The following ZNF532 variants were observed in gnomAD, a reference collection of about 807,000 sequenced individuals.
The protein encoded by ZNF532 is zinc finger protein 532.
Under a neutral mutation model 89.3 loss-of-function variants are expected in ZNF532, and 22 were observed. The ratio of observed to expected loss-of-function variants is 0.25; its 90% CI spans 0.18 to 0.35. The LOEUF is 0.35. Ranked by LOEUF, ZNF532 falls within the 10% of genes least tolerant of loss-of-function variation. The probability of loss-of-function intolerance (pLI) is 1.00; values close to 1 mark genes in which losing one functional copy is unlikely to be tolerated. For missense variants in ZNF532, 1,132 were observed against 1,643.4 expected (o/e 0.69, Z 5.38); for synonymous variants, 606 against 649.6 (o/e 0.93, Z 1.02).
At chr18:58,887,654 T>C (rs758177702) in intron 2 of ZNF532, among the ~76,000 whole-genome samples, 1 of 152,158 alleles carries the variant, frequency 6.6e-6, no homozygotes, top group Non-Finnish European at 1.5e-5. Context: ...ATCTTCCACC[T>C]GGGCTTAACA....
In ZNF532 at chr18:58,917,534, T is replaced by C. The variant is rs906600592; in HGVS notation, c.-17-737T>C. 3.3e-5 allele frequency among the ~76,000 whole-genome samples: 5 copies of C among 152,144 alleles called. No homozygotes were observed. The East Asian group carries it at 7.7e-4, about 23-fold the overall frequency. On this transcript the variant is annotated intron_variant, in intron 2 of 9. Coordinates refer to ENST00000591808, the MANE Select transcript of ZNF532 (RefSeq NM_001375912.1). Reference sequence around the variant, plus strand: ...TCGGGGGAAGAGCCCCTTTTAAAGATCCCTCAAGCACTGCATGTATTCATA... The same window carrying C: ...TCGGGGGAAGAGCCCCTTTTAAAGACCCCTCAAGCACTGCATGTATTCATA...
chr18:58,977,829 C>A (rs2067232171), intron 7 of ZNF532, among the ~76,000 whole-genome samples: 1 of 152,184 alleles, frequency 6.6e-6, no homozygotes, highest in African/African-American at 2.4e-5. Flanking sequence ...GCCTAGGCAA[C>A]AGAATGAGAC....
At chr18:58,909,182 A>G (rs2060121576) in intron 2 of ZNF532, among the ~76,000 whole-genome samples, 2 of 152,004 alleles carry the variant, frequency 1.3e-5, no homozygotes, top group African/African-American at 4.8e-5. Flanking sequence ...CAAACTCCCA[A>G]CCTCAGGTGA....
chr18:58,864,384 AG>A (rs1382595619), upstream of ZNF532: 2 of 152,146 alleles, frequency 1.3e-5, no homozygotes, highest in Non-Finnish European at 1.5e-5. Context: ...CCACTGTGCT[AG>A]GAGGCCAGGC....
intron 4 of ZNF532, among the ~76,000 whole-genome samples, chr18:58,937,419 T>A (rs766921052): frequency 3.9e-5 from 6 of 152,244 alleles, no homozygotes; most frequent in Non-Finnish European, 8.8e-5. Flanking sequence ...TCCCTTGGTC[T>A]CCATGGTGTT....
intron 7 of ZNF532, among the ~76,000 whole-genome samples, chr18:58,970,692 A>G (rs2066388905): frequency 6.6e-6 from 1 of 152,234 alleles, no homozygotes. Flanking sequence ...AGATGTACCC[A>G]GTGGATGGCA....
chr18:58,979,321 G>A, intron 8 of ZNF532, 154 bp downstream of exon 8: 2 of 474,578 alleles, frequency 4.2e-6, no homozygotes, highest in Non-Finnish European at 7.5e-6. Flanking sequence ...TTTTTGGATT[G>A]GGTTGTCACA....
chr18:58,980,117 T>C (rs2067565701), intron 8 of ZNF532: 1 of 152,194 alleles, frequency 6.6e-6, no homozygotes, highest in Non-Finnish European at 1.5e-5. Flanking sequence ...ATGGACCCTA[T>C]GGATCAGGAG....
intron 2 of ZNF532, among the ~76,000 whole-genome samples, chr18:58,871,654 C>T (rs1475137166): frequency 2.0e-5 from 3 of 152,180 alleles, no homozygotes; most frequent in Non-Finnish European, 4.4e-5. Flanking sequence ...GACACTGGCG[C>T]CGTTCACGTT....
At chr18:58,983,796 A>C (rs1481721828) in intron 9 of ZNF532, among the ~76,000 whole-genome samples, 176 bp from the exon 10 acceptor site, 1 of 152,038 alleles carries the variant, frequency 6.6e-6, no homozygotes, top group African/African-American at 2.4e-5. Flanking sequence ...TTCTCTGTGG[A>C]GTGGAAGAAA....
intron 9 of ZNF532, 45 bp downstream of exon 9, chr18:58,981,662 T>A (rs774772897): frequency 2.9e-5 from 47 of 1,607,898 alleles, no homozygotes; most frequent in Non-Finnish European, 3.9e-5. Flanking sequence ...TTGTGTTGAC[T>A]TGCTTTTCCC....
chr18:58,962,322 G>A (rs925396118), intron 7 of ZNF532, among the ~76,000 whole-genome samples: 5 of 152,160 alleles, frequency 3.3e-5, no homozygotes, highest in African/African-American at 9.7e-5. Flanking sequence ...AGTAGCCATT[G>A]CTAGTGTGAG....
chr18:58,976,242 T>A (rs1215429433), intron 7 of ZNF532, among the ~76,000 whole-genome samples: 1 of 152,242 alleles, frequency 6.6e-6, no homozygotes, highest in Non-Finnish European at 1.5e-5. Context: ...TTCATAAAGA[T>A]GCTGAAACAG....
intron 7 of ZNF532, among the ~76,000 whole-genome samples, chr18:58,965,148 ATGTGT>A (rs1417184134): frequency 6.6e-6 from 1 of 152,082 alleles, no homozygotes; most frequent in Non-Finnish European, 1.5e-5. Flanking sequence ...AAGGCTATAA[ATGTGT>A]TGTAAAAAGG....
chr18:58,941,895 T>TTTCC (rs371215747), intron 5 of ZNF532, among the ~76,000 whole-genome samples: 5 of 150,142 alleles, frequency 3.3e-5, no homozygotes, highest in South Asian at 2.1e-4. Context: ...CTTCCTTCCT[T>TTTCC]TTCCTTCCTT....
intron 5 of ZNF532, among the ~76,000 whole-genome samples, chr18:58,944,384 C>T (rs181250124): frequency 2.0e-5 from 3 of 152,096 alleles, no homozygotes; most frequent in Admixed American, 1.3e-4. Flanking sequence ...TTCTCCTTCC[C>T]GTACTGGCTT....
intron 2 of ZNF532, among the ~76,000 whole-genome samples, chr18:58,911,727 G>A (rs1478243741): frequency 6.6e-6 from 1 of 152,178 alleles, no homozygotes; most frequent in Non-Finnish European, 1.5e-5. Context: ...TTGGCAGGAT[G>A]GGAGTTAATA....
At chr18:58,973,926 T>TGGAGAAAGCAAAACCAGAG (rs1343477133) in intron 7 of ZNF532, among the ~76,000 whole-genome samples, 2 of 151,816 alleles carry the variant, frequency 1.3e-5, no homozygotes, top group Non-Finnish European at 2.9e-5. Flanking sequence ...ATATGACAAA[T>TGGAGAAAGCAAAACCAGAG]GGAGAAAGCA....
At chr18:58,953,234 A>G in intron 6 of ZNF532, 1 of 245,670 alleles carries the variant, frequency 4.1e-6, no homozygotes, top group Non-Finnish European at 7.8e-6. Context: ...AAGTACCAGG[A>G]TTAATTTGTG....
Sources: gnomAD v4.1 joint callset for allele counts (sites outside exome capture counted in the v4.1 genomes callset) on GRCh38, gnomAD v4.1.1 for gene constraint, MANE v1.5 for transcripts, NCBI Gene and HGNC (gene_info 2026-07-23, HGNC 2026-07-21) for gene names.